Variants in CCDC50 observed in about 807,000 individuals in gnomAD.
The protein encoded by CCDC50 is coiled-coil domain containing 50.
A neutral mutation model predicts 70.2 loss-of-function variants in CCDC50; 54 were observed. That is an observed-to-expected ratio of 0.77 (90% CI 0.62 to 0.96). The LOEUF is 0.96. Ranked by LOEUF, CCDC50 falls within the 50% of genes least tolerant of loss-of-function variation. The pLI is 0.00. For synonymous variants in CCDC50, 216 were observed against 198.8 expected, an observed-to-expected ratio of 1.09 and a Z score of -0.73; for missense variants, 558 against 578.7, an observed-to-expected ratio of 0.96 and a Z score of 0.37.
At chr3:191,335,297 A>AT (rs1214899331) in intron 1 of CCDC50, among the ~76,000 whole-genome samples, 2 of 152,216 alleles carry the variant, frequency 1.3e-5, no homozygotes, top group East Asian at 3.8e-4. Context: ...GAAAACAAAC[A>AT]TTCAAACAAC....
chr3:191,369,097 T>C (rs9853569), intron 4 of CCDC50, among the ~76,000 whole-genome samples: 48,215 of 151,970 alleles, frequency 0.32, 7,654 homozygotes, highest in Non-Finnish European at 0.32. Flanking sequence ...AGATAGGTGC[T>C]CATTAAAATG....
intron 10 of CCDC50, 22 bp downstream of exon 10, chr3:191,382,847 A>G (rs1713367902): frequency 1.3e-6 from 2 of 1,560,850 alleles, no homozygotes; most frequent in Non-Finnish European, 1.8e-6. Context: ...CCTGAAAAGA[A>G]AAATGAGGAA....
chr3:191,369,942 A>G lies in CCDC50; in HGVS notation c.354A>G (p.Glu118=). ...KDEDIARLLQ[E]KELQEEKKRK... ...AGGACATAGCTCGCCTTTTGCAAGA[A>G]AAGGAGTTACAGGAAGAGAAAAAGA... The change falls in exon 5 of 12, where the codon GAA becomes GAG. Residue 118 remains glutamate (E), a synonymous_variant. Transcript: ENST00000392455. 1 of 1,613,376 alleles carries G rather than the reference A, an allele frequency of 6.2e-7. No individual in the cohort carries two copies. The highest frequency in any genetic ancestry group is 8.5e-7 in the Non-Finnish European group (1 of 1,179,494).
intron 6 of CCDC50, among the ~76,000 whole-genome samples, chr3:191,378,944 C>T (rs1248509762): frequency 6.6e-6 from 1 of 151,942 alleles, no homozygotes; most frequent in African/African-American, 2.4e-5. Flanking sequence ...CTTCTGAAGC[C>T]GCAGAAGCCA....
chr3:191,377,148 A>G (rs1351156262), intron 6 of CCDC50, among the ~76,000 whole-genome samples: 3 of 152,310 alleles, frequency 2.0e-5, no homozygotes, highest in South Asian at 2.1e-4. Flanking sequence ...CTGCTTTTCT[A>G]TCATTTTATA....
rs1717868838 is a variant in CCDC50 at position 191,329,517 on chromosome 3, GC to G, written c.-154del. 6.4e-6 allele frequency: 4 copies of G among 628,054 alleles called. No homozygotes were observed. The Admixed American group carries it at 1.3e-4, about 20-fold the overall frequency. The allele number at this position is 628,054 out of a possible 1,614,324, so 38.9% of individuals were successfully genotyped here. Reference sequence around the variant, plus strand: ...CCGTCTCCCGCTGCTTTGGTCACCAGCCCCTGCCCGCCCGACCCGCTCCGTT... The same window carrying G: ...CCGTCTCCCGCTGCTTTGGTCACCAGCCCTGCCCGCCCGACCCGCTCCGTT... On this transcript the variant is annotated 5_prime_UTR_variant, in exon 1 of 12. Coordinates refer to ENST00000392455, the MANE Select transcript of CCDC50 (RefSeq NM_178335.3).
At chr3:191,387,060 A>G (rs576476531) in intron 10 of CCDC50, among the ~76,000 whole-genome samples, 1 of 152,308 alleles carries the variant, frequency 6.6e-6, no homozygotes, top group East Asian at 1.9e-4. Context: ...TTATTCATTT[A>G]TCAAGTATTT....
chr3:191,331,066 A>T (rs929110786), intron 1 of CCDC50, among the ~76,000 whole-genome samples: 2 of 152,208 alleles, frequency 1.3e-5, no homozygotes. Context: ...GGAAAGGCGG[A>T]TCCATACTTT....
chr3:191,330,846 T>G (rs1717957009), intron 1 of CCDC50, among the ~76,000 whole-genome samples: 2 of 152,180 alleles, frequency 1.3e-5, no homozygotes, highest in Admixed American at 1.3e-4. Flanking sequence ...AGGAGACTAG[T>G]GACTAGTGGT....
At chr3:191,384,843 G>A (rs13061649) in intron 10 of CCDC50, among the ~76,000 whole-genome samples, 7 of 151,930 alleles carry the variant, frequency 4.6e-5, no homozygotes, top group African/African-American at 1.2e-4. Context: ...GGTGTTCCCA[G>A]TGTCTATTAT....
chr3:191,394,390 C>T lies in CCDC50; in HGVS notation c.*2630C>T, dbSNP rs1713795573. The stretch of plus-strand genomic sequence containing the variant: ...GTTTGAGACTATAGAAGCAACTCAA[C>T]TGTATTTTAATGAACTGCCAGACAC... On this transcript the variant is annotated 3_prime_UTR_variant, in exon 12 of 12. Transcript: ENST00000392455. 1 of 152,096 alleles carries T rather than the reference C, an allele frequency of 6.6e-6. No individual in the cohort carries two copies. Among genetic ancestry groups the T allele is most frequent in the African/African-American group, 2.4e-5 (1 of 41,434 alleles). The allele number at this position is 152,096 out of a possible 1,614,324, so 9.4% of individuals were successfully genotyped here.
chr3:191,330,013 C>T (rs1717910028), intron 1 of CCDC50, among the ~76,000 whole-genome samples: 1 of 151,806 alleles, frequency 6.6e-6, no homozygotes, highest in African/African-American at 2.4e-5. Context: ...CATCGCAAAG[C>T]CTCAGTGGAC....
chr3:191,375,141 T>C lies in CCDC50; in HGVS notation c.528T>C (p.Thr176=). Residue 176 remains threonine (T), a synonymous_variant, in exon 6 of 12, where the codon ACT becomes ACC. Coordinates refer to ENST00000392455, the MANE Select transcript of CCDC50 (RefSeq NM_178335.3). ...GTAGACTCCAAAGAGATGGAAAGACTGTGAAGCACAAGAAAGAGAAACCAG... is the reference window on the plus strand; with the variant it reads ...GTAGACTCCAAAGAGATGGAAAGACCGTGAAGCACAAGAAAGAGAAACCAG... ...RPCRLQRDGK[T]VKHKKEKPEH... is the part of the protein sequence containing the mutation. 2 of 1,613,722 alleles carry C rather than the reference T, an allele frequency of 1.2e-6. No individual in the cohort carries two copies. The highest frequency in any genetic ancestry group is 1.7e-4 in the Middle Eastern group (1 of 6,058).
chr3:191,341,515 G>T (rs762488239), intron 1 of CCDC50, among the ~76,000 whole-genome samples: 37 of 152,168 alleles, frequency 2.4e-4, no homozygotes, highest in Non-Finnish European at 2.8e-4. Flanking sequence ...ACAGATCCAG[G>T]TTGTTGCTCT....
chr3:191,370,466 T>C (rs1473779880), intron 5 of CCDC50, among the ~76,000 whole-genome samples: 1 of 142,928 alleles, frequency 7.0e-6, no homozygotes, highest in Non-Finnish European at 1.5e-5. Flanking sequence ...CATGCGGTGG[T>C]TTTTTTTGTT....
At chr3:191,367,217 T>A (rs547624117) in intron 4 of CCDC50, among the ~76,000 whole-genome samples, 10 of 152,240 alleles carry the variant, frequency 6.6e-5, no homozygotes, top group Non-Finnish European at 1.2e-4. Context: ...TTTCTTTGAC[T>A]AGCTAATGCA....
chr3:191,360,493 A>C, intron 3 of CCDC50, among the ~76,000 whole-genome samples: 1 of 152,226 alleles, frequency 6.6e-6, no homozygotes, highest in East Asian at 1.9e-4. Flanking sequence ...GAATGAAGAC[A>C]GAGGCTTTTG....
At chr3:191,359,045 A>G (rs1007410479) in intron 3 of CCDC50, among the ~76,000 whole-genome samples, 4 of 152,224 alleles carry the variant, frequency 2.6e-5, no homozygotes, top group African/African-American at 9.6e-5. Context: ...TGGCACCATG[A>G]AAGGAGACCA....
intron 1 of CCDC50, among the ~76,000 whole-genome samples, chr3:191,340,699 C>T (rs961092297): frequency 6.6e-5 from 10 of 152,264 alleles, no homozygotes; most frequent in Middle Eastern, 3.4e-3. Context: ...TTCTGATTTC[C>T]CCTTAACTCA....
Sources: gnomAD v4.1 joint callset for allele counts (sites outside exome capture counted in the v4.1 genomes callset) on GRCh38, gnomAD v4.1.1 for gene constraint, MANE v1.5 for transcripts, NCBI Gene and HGNC (gene_info 2026-07-23, HGNC 2026-07-21) for gene names.